The following CCDC146 variants were observed in gnomAD, a reference collection of about 807,000 sequenced individuals.
CCDC146 encodes coiled-coil domain containing 146.
CCDC146 carries 92 observed loss-of-function variants against 119.3 expected under a neutral mutation model. That is an observed-to-expected ratio of 0.77 (90% confidence interval 0.65 to 0.92). The LOEUF (loss-of-function observed/expected upper bound fraction) is 0.92. Ranked by LOEUF, CCDC146 falls within the 40% of genes least tolerant of loss-of-function variation. The probability of loss-of-function intolerance (pLI) is 0.00; values close to 1 mark genes in which losing one functional copy is unlikely to be tolerated. For synonymous variants in CCDC146, 372 were observed against 371.8 expected, an observed-to-expected ratio of 1.00 and a Z score of -0.01; for missense variants, 1,000 against 1,103.0, an observed-to-expected ratio of 0.91 and a Z score of 1.32.
intron 1 of CCDC146, among the ~76,000 whole-genome samples, chr7:77,143,503 C>A (rs1485828525): frequency 2.0e-5 from 3 of 151,936 alleles, no homozygotes. Context: ...TGCCTATGTC[C>A]TGAATGGTAT....
intron 6 of CCDC146, among the ~76,000 whole-genome samples, chr7:77,256,734 C>T (rs577081197): frequency 3.2e-4 from 49 of 152,266 alleles, no homozygotes; most frequent in African/African-American, 1.0e-3. Flanking sequence ...CCTCACCCTG[C>T]GGAAAAGGTC....
chr7:77,286,744 C>T (rs1415757516), intron 15 of CCDC146, 54 bp from the exon 16 acceptor site: 1 of 1,580,028 alleles, frequency 6.3e-7, no homozygotes, highest in African/African-American at 1.4e-5. Context: ...ATGTGATTTT[C>T]AGATTAACTG....
intron 1 of CCDC146, among the ~76,000 whole-genome samples, chr7:77,132,755 C>T (rs1017234702): frequency 6.6e-6 from 1 of 150,780 alleles, no homozygotes; most frequent in African/African-American, 2.4e-5. Flanking sequence ...AGTAAATAAA[C>T]AAATAAATAA....
intron 9 of CCDC146, 67 bp downstream of exon 9, chr7:77,262,374 G>A (rs1793317227): frequency 4.4e-6 from 6 of 1,356,844 alleles, no homozygotes; most frequent in Non-Finnish European, 9.9e-7. Context: ...AAATATTTTA[G>A]GAAGTTGTTT....
intron 2 of CCDC146, chr7:77,194,951 A>G (rs1234485347): frequency 6.6e-6 from 1 of 152,132 alleles, no homozygotes; most frequent in Non-Finnish European, 1.5e-5. Flanking sequence ...TTAGTTTCTG[A>G]TAGTAAAATA....
chr7:77,182,360 A>G (rs990444464), intron 2 of CCDC146, among the ~76,000 whole-genome samples: 5 of 152,208 alleles, frequency 3.3e-5, no homozygotes, highest in African/African-American at 1.2e-4. Flanking sequence ...CTTTATACTA[A>G]TAAAACATTT....
intron 2 of CCDC146, among the ~76,000 whole-genome samples, chr7:77,215,830 T>G (rs1792292239): frequency 6.6e-6 from 1 of 152,152 alleles, no homozygotes. Context: ...CAAAATCTAC[T>G]TAGGATTCCT....
intron 2 of CCDC146, among the ~76,000 whole-genome samples, chr7:77,207,611 A>G (rs1217266999): frequency 6.6e-6 from 1 of 152,208 alleles, no homozygotes; most frequent in Non-Finnish European, 1.5e-5. Context: ...CTCAAAAAAT[A>G]GAAAGATATA....
intron 18 of CCDC146, among the ~76,000 whole-genome samples, chr7:77,293,946 A>C (rs183135932): frequency 1.4e-4 from 21 of 152,328 alleles, no homozygotes; most frequent in African/African-American, 4.8e-4. Context: ...CACAAGTGTA[A>C]ATTACGTGAT....
chr7:77,260,037 GA>G lies in CCDC146; in HGVS notation c.789del (p.Glu263AspfsTer7), dbSNP rs1554358940. The G allele has an allele frequency of 6.4e-7, 1 of 1,564,430 alleles. No individual in the cohort carries two copies. The highest frequency in any genetic ancestry group is 8.7e-7 in the Non-Finnish European group (1 of 1,145,892). ...VEMEKKKIVL[E>X]QEVKTLNDSL... ...AATGGAAAAGAAAAAAATTGTCTTG[GA>G]ACAAGAAGTCAAAACGCTAAATGAC... On this transcript the variant is annotated frameshift_variant, in exon 8 of 19. Transcript: ENST00000285871. LOFTEE classifies it high-confidence loss of function.
intron 1 of CCDC146, among the ~76,000 whole-genome samples, chr7:77,151,383 G>A (rs188626938): frequency 6.6e-6 from 1 of 152,170 alleles, no homozygotes; most frequent in Admixed American, 6.5e-5. Flanking sequence ...AGTGAGCGAG[G>A]GGATGGGAAT....
chr7:77,269,414 CTCTT>C (rs1206323177), intron 9 of CCDC146, among the ~76,000 whole-genome samples: 1 of 150,756 alleles, frequency 6.6e-6, no homozygotes, highest in African/African-American at 2.4e-5. Context: ...TTGTTTTTGT[CTCTT>C]TCTTTTTAGA....
intron 2 of CCDC146, among the ~76,000 whole-genome samples, chr7:77,229,532 A>G (rs1379077822): frequency 1.3e-5 from 2 of 152,210 alleles, no homozygotes; most frequent in African/African-American, 2.4e-5. Context: ...AATCTTCTGC[A>G]TATGGCTATC....
chr7:77,165,014 TC>T (rs1186389494), intron 1 of CCDC146, among the ~76,000 whole-genome samples: 1 of 152,214 alleles, frequency 6.6e-6, no homozygotes, highest in Non-Finnish European at 1.5e-5. Flanking sequence ...CAGTGAAGAT[TC>T]ATGTATTTCA....
At chr7:77,276,803 T>TGGG (rs1793652860) in intron 11 of CCDC146, among the ~76,000 whole-genome samples, 1 of 151,950 alleles carries the variant, frequency 6.6e-6, no homozygotes, top group South Asian at 2.1e-4. Flanking sequence ...AGGAGCGGTC[T>TGGG]CTCACGCCTG....
intron 2 of CCDC146, among the ~76,000 whole-genome samples, chr7:77,171,851 T>C (rs1317221163): frequency 6.6e-6 from 1 of 152,254 alleles, no homozygotes; most frequent in African/African-American, 2.4e-5. Context: ...AGCCAAAGAT[T>C]AAGGTTTGTT....
chr7:77,286,832 A>G lies in CCDC146; in HGVS notation c.2183A>G (p.Glu728Gly). ...TGTACAGACAGAATTAAAGACCTGG[A>G]GAAACAGTTCGTAAAGCCTGATGGT... ...SQCTDRIKDL[E>G]KQFVKPDGEN... Residue 728 changes from glutamate to glycine, a missense_variant, in exon 16 of 19, where the codon GAG (glutamate) becomes GGG (glycine). By Grantham distance (98) the Glu-to-Gly change is moderately conservative. Around this residue, in one of 2 missense-constraint regions of CCDC146, gnomAD observed 985 missense variants for 1,045.3 expected, o/e 0.94. Coordinates refer to ENST00000285871, the MANE Select transcript of CCDC146 (RefSeq NM_020879.3). The G allele has an allele frequency of 6.2e-7, 1 of 1,613,946 alleles. No homozygotes were observed. Among genetic ancestry groups the G allele is most frequent in the Non-Finnish European group, 8.5e-7 (1 of 1,179,764 alleles).
At chr7:77,257,392 T>C (rs534294994) in intron 6 of CCDC146, 93 of 152,288 alleles carry the variant, frequency 6.1e-4, no homozygotes, top group African/African-American at 2.0e-3. Flanking sequence ...TAGGGGATAA[T>C]GGTGATACAC....
intron 2 of CCDC146, among the ~76,000 whole-genome samples, chr7:77,210,230 A>G (rs993231058): frequency 2.0e-5 from 3 of 152,210 alleles, no homozygotes; most frequent in Admixed American, 6.5e-5. Flanking sequence ...GTATGCTGTT[A>G]GAAGCAGCCA....
Sources: allele counts gnomAD v4.1 joint callset (sites outside exome capture counted in the v4.1 genomes callset), GRCh38; gene constraint gnomAD v4.1.1; regional missense constraint gnomAD v4.1.1; transcripts MANE v1.5; gene names NCBI Gene and HGNC (gene_info 2026-07-23, HGNC 2026-07-21).